KDM4C: variants seen among roughly 807,000 people sequenced by gnomAD.
The protein encoded by KDM4C is lysine-specific demethylase 4C.
Under a neutral mutation model 129.3 loss-of-function variants are expected in KDM4C, and 81 were observed. The observed-to-expected ratio is 0.63, with a 90% CI of 0.52 to 0.75. KDM4C has a LOEUF of 0.75. Among genes scored for constraint, KDM4C ranks in the 30% least tolerant of loss-of-function variants. KDM4C has a pLI of 0.00. For missense variants in KDM4C, 1,457 were observed against 1,304.0 expected, an observed-to-expected ratio of 1.12 and a Z score of -1.81; for synonymous variants, 573 against 456.1, an observed-to-expected ratio of 1.26 and a Z score of -3.26.
At chr9:6,799,589 C>G (rs190615409) in intron 2 of KDM4C, among the ~76,000 whole-genome samples, 9 of 134,696 alleles carry the variant, frequency 6.7e-5, no homozygotes, top group Non-Finnish European at 1.2e-4. Flanking sequence ...AGAGGGAGAC[C>G]GTGGAAAGGG....
intron 8 of KDM4C, among the ~76,000 whole-genome samples, chr9:6,953,666 C>A (rs185472110): frequency 1.3e-5 from 2 of 152,282 alleles, no homozygotes; most frequent in Non-Finnish European, 2.9e-5. Context: ...TGGACCTTTT[C>A]TTGCTGATCC....
chr9:7,076,476 CAAT>C (rs1279296806), intron 17 of KDM4C: 142 of 1,550,268 alleles, frequency 9.2e-5, no homozygotes, highest in South Asian at 1.2e-5. Flanking sequence ...ACAACAACAA[CAAT>C]AACAATGAAG....
intron 18 of KDM4C, among the ~76,000 whole-genome samples, chr9:7,120,249 C>G (rs1839353264): frequency 6.6e-6 from 1 of 151,804 alleles, no homozygotes. Context: ...ATGAAGCAGT[C>G]CAGGTATTAG....
rs1324258657 is a variant in KDM4C at position 6,799,332 on chromosome 9, G to A, written c.144+6200G>A. On this transcript the variant is annotated intron_variant, in intron 2 of 21. Transcript: ENST00000381309. ...AATCCCGGCATCTTGGGAGGCCGAG[G>A]CTGGCGGATCACTCGCGGTTAGGAG... Among the ~76,000 whole-genome samples the A allele has an allele frequency of 4.6e-4, 70 of 152,364 alleles. 1 individual carries two copies. Among genetic ancestry groups the A allele is most frequent in the Admixed American group, 4.6e-3 (70 of 15,306 alleles).
intron 5 of KDM4C, among the ~76,000 whole-genome samples, chr9:6,851,121 A>T (rs1838770181): frequency 1.3e-5 from 2 of 152,130 alleles, no homozygotes; most frequent in African/African-American, 2.4e-5. Context: ...ATGTGATCGG[A>T]TTATTCATTA....
intron 8 of KDM4C, among the ~76,000 whole-genome samples, chr9:6,921,578 T>C (rs1256815060): frequency 2.6e-5 from 4 of 152,236 alleles, no homozygotes; most frequent in Admixed American, 1.3e-4. Flanking sequence ...CTATAAGTCA[T>C]TGGCCTGGCT....
chr9:6,910,576 T>C (rs1033809990), intron 8 of KDM4C, among the ~76,000 whole-genome samples: 1 of 152,182 alleles, frequency 6.6e-6, no homozygotes, highest in Non-Finnish European at 1.5e-5. Context: ...GTGCCATTTC[T>C]CACCTCTCAG....
intron 4 of KDM4C, chr9:6,815,237 T>G (rs570685367): frequency 1.3e-5 from 2 of 152,250 alleles, no homozygotes; most frequent in South Asian, 2.1e-4. Context: ...TCTAGCCATT[T>G]TAATGGTGGC....
chr9:6,980,165 A>G (rs971472097), intron 8 of KDM4C, among the ~76,000 whole-genome samples: 1 of 152,224 alleles, frequency 6.6e-6, no homozygotes, highest in Non-Finnish European at 1.5e-5. Context: ...CATTTGAATG[A>G]TAACTTCCCT....
chr9:7,078,093 A>T (rs1020082331), intron 17 of KDM4C, among the ~76,000 whole-genome samples: 1 of 152,162 alleles, frequency 6.6e-6, no homozygotes, highest in African/African-American at 2.4e-5. Flanking sequence ...GTTCCCATTT[A>T]TTTATTTATT....
At chr9:7,091,058 A>G (rs1330103800) in intron 17 of KDM4C, among the ~76,000 whole-genome samples, 1 of 152,176 alleles carries the variant, frequency 6.6e-6, no homozygotes, top group Non-Finnish European at 1.5e-5. Context: ...AATTTGAGGA[A>G]AACCCCCCCA....
intron 8 of KDM4C, chr9:6,924,673 G>T: frequency 5.9e-6 from 4 of 678,692 alleles, no homozygotes; most frequent in Non-Finnish European, 7.3e-6. Context: ...TGTTACACTT[G>T]TGTTCTGCTG....
At chr9:6,791,865 A>G (rs1190065270) in intron 1 of KDM4C, among the ~76,000 whole-genome samples, 3 of 152,082 alleles carry the variant, frequency 2.0e-5, no homozygotes, top group Admixed American at 6.6e-5. Context: ...TTTACTAAAA[A>G]TACAAAATTA....
At chr9:7,132,690 G>A (rs1564159256) in intron 19 of KDM4C, among the ~76,000 whole-genome samples, 1 of 152,190 alleles carries the variant, frequency 6.6e-6, no homozygotes, top group Non-Finnish European at 1.5e-5. Context: ...AGTACTCAAT[G>A]AGCATAAAGA....
At chr9:6,813,106 C>A (rs1156752070) in intron 3 of KDM4C, among the ~76,000 whole-genome samples, 2 of 151,878 alleles carry the variant, frequency 1.3e-5, no homozygotes, top group East Asian at 1.9e-4. Flanking sequence ...ACCTGGGAGG[C>A]GGAGGTTTCA....
chr9:6,819,561 C>G (rs1198755743), intron 4 of KDM4C, among the ~76,000 whole-genome samples: 1 of 152,162 alleles, frequency 6.6e-6, no homozygotes, highest in Non-Finnish European at 1.5e-5. Context: ...CATTTTCATG[C>G]TTTTGTAGCA....
intron 13 of KDM4C, among the ~76,000 whole-genome samples, chr9:7,012,986 C>A (rs189163140): frequency 3.1e-4 from 47 of 152,246 alleles, no homozygotes; most frequent in African/African-American, 9.9e-4. Context: ...TTATTCCCTT[C>A]ATGTTTTTTA....
chr9:7,104,674 C>G (rs1255446881), intron 18 of KDM4C, among the ~76,000 whole-genome samples: 1 of 152,158 alleles, frequency 6.6e-6, no homozygotes, highest in Non-Finnish European at 1.5e-5. Flanking sequence ...TTGTTTCTGG[C>G]TACCAAATAG....
chr9:6,853,626 A>G (rs7048087), intron 5 of KDM4C, among the ~76,000 whole-genome samples: 20,444 of 152,272 alleles, frequency 0.13, 1,883 homozygotes, highest in African/African-American at 0.25. Context: ...GTAAGTGTTC[A>G]TGAACACAGG....
Sources: allele counts gnomAD v4.1 joint callset (sites outside exome capture counted in the v4.1 genomes callset), GRCh38; gene constraint gnomAD v4.1.1; transcripts MANE v1.5; gene names NCBI Gene and HGNC (gene_info 2026-07-23, HGNC 2026-07-21).